PLAC1: variants seen among roughly 807,000 people sequenced by gnomAD.
PLAC1 encodes the protein placenta-specific protein 1.
For synonymous variants in PLAC1, 68 were observed against 62.1 expected (o/e 1.09, Z -0.44); for missense variants, 136 against 163.2 (o/e 0.83, Z 0.91).
At chrX:134,670,352 C>G (rs2078451697) in intron 2 of PLAC1, among the ~76,000 whole-genome samples, 1 of 112,041 alleles carries the variant, frequency 8.9e-6, no homozygotes, top group Non-Finnish European at 1.9e-5. Flanking sequence ...TGCCTCCTAG[C>G]TTCCAGAACT....
intron 1 of PLAC1, among the ~76,000 whole-genome samples, chrX:134,654,046 G>A (rs1420692099): frequency 9.0e-6 from 1 of 111,489 alleles, no homozygotes; most frequent in Non-Finnish European, 1.9e-5. Context: ...AGTTAGGGAG[G>A]GTTTTCATAT....
chrX:134,753,084 C>T (rs1349691353), intron 1 of PLAC1, among the ~76,000 whole-genome samples: 1 of 111,194 alleles, frequency 9.0e-6, no homozygotes, highest in African/African-American at 3.3e-5. Context: ...AGAAAATCCT[C>T]CTCCACAAAG....
At chrX:134,626,294 A>G (rs546499540) in intron 1 of PLAC1, among the ~76,000 whole-genome samples, 1 of 112,084 alleles carries the variant, frequency 8.9e-6, no homozygotes, top group South Asian at 3.8e-4. Flanking sequence ...CACCTTGCCT[A>G]TGAAACAGTA....
chrX:134,697,174 T>C lies in PLAC1; in HGVS notation n.174+36261A>G, dbSNP rs6654676. 3.2e-3 allele frequency among the ~76,000 whole-genome samples: 356 copies of C among 111,525 alleles called. 1 individual carries two copies. Among genetic ancestry groups the C allele is most frequent in the African/African-American group, 0.011 (340 of 30,678 alleles). Reference sequence around the variant, plus strand: ...GCCTCCAGCTCTCCAAGAGACAACATATCTCCCTGTTATCATTCTGATATA... The same window carrying C: ...GCCTCCAGCTCTCCAAGAGACAACACATCTCCCTGTTATCATTCTGATATA... On this transcript the variant is annotated intron_variant and non_coding_transcript_variant, in intron 2 of 2. Transcript: ENST00000466797.
At chrX:134,750,861 T>A (rs867538277) in intron 1 of PLAC1, among the ~76,000 whole-genome samples, 18 of 17,484 alleles carry the variant, frequency 1.0e-3, no homozygotes, top group Admixed American at 3.6e-3. Flanking sequence ...ATATATATAT[T>A]TTTATATATA....
At chrX:134,613,983 G>A (rs1039879589) in intron 1 of PLAC1, among the ~76,000 whole-genome samples, 7 of 109,879 alleles carry the variant, frequency 6.4e-5, no homozygotes, top group South Asian at 4.0e-4. Flanking sequence ...GCGACCCCCC[G>A]GCTGACCACT....
At chrX:134,706,774 T>A (rs781432139) in intron 2 of PLAC1, among the ~76,000 whole-genome samples, 10 of 110,922 alleles carry the variant, frequency 9.0e-5, no homozygotes, top group Non-Finnish European at 9.4e-5. Flanking sequence ...ACAACCAAAA[T>A]TTTAAAACTT....
intron 1 of PLAC1, among the ~76,000 whole-genome samples, chrX:134,763,817 GAAAA>G (rs1279521008): frequency 4.0e-4 from 22 of 55,362 alleles, no homozygotes; most frequent in East Asian, 5.7e-4. Flanking sequence ...AAGAAACTCC[GAAAA>G]AAAAAAGAAA....
intron 1 of PLAC1, among the ~76,000 whole-genome samples, chrX:134,760,542 C>T (rs1295439846): frequency 9.0e-6 from 1 of 110,986 alleles, no homozygotes; most frequent in Non-Finnish European, 1.9e-5. Flanking sequence ...CAATATGTTT[C>T]CTTCAATAGG....
At chrX:134,748,146 A>G (rs1338766678) in intron 1 of PLAC1, among the ~76,000 whole-genome samples, 2 of 111,115 alleles carry the variant, frequency 1.8e-5, no homozygotes, top group African/African-American at 6.6e-5. Context: ...CCCGGCCAAC[A>G]TGGTGAAACC....
At chrX:134,611,527 ACATATGTATATATG>A (rs1475577004) in intron 1 of PLAC1, among the ~76,000 whole-genome samples, 1 of 106,508 alleles carries the variant, frequency 9.4e-6, no homozygotes, top group African/African-American at 3.4e-5. Context: ...ACATACATAT[ACATATGTATATATG>A]CATATACACA....
intron 1 of PLAC1, among the ~76,000 whole-genome samples, chrX:134,610,265 C>T (rs925135617): frequency 4.5e-5 from 5 of 111,645 alleles, no homozygotes; most frequent in Admixed American, 1.9e-4. Context: ...CGTGAGCCAC[C>T]GCACCTGGCT....
intron 1 of PLAC1, among the ~76,000 whole-genome samples, chrX:134,648,213 T>G (rs2078344088): frequency 9.0e-6 from 1 of 111,339 alleles, no homozygotes; most frequent in Admixed American, 9.5e-5. Context: ...AGCTATCTCT[T>G]CAGTGAAGAT....
At chrX:134,616,402 C>T (rs1432970785) in intron 1 of PLAC1, among the ~76,000 whole-genome samples, 2 of 111,498 alleles carry the variant, frequency 1.8e-5, no homozygotes, top group African/African-American at 3.3e-5. Flanking sequence ...TTTGGGAGGC[C>T]GAGGCAGGCA....
At chrX:134,577,179 G>T (rs1443655633) in intron 2 of PLAC1, among the ~76,000 whole-genome samples, 2 of 112,225 alleles carry the variant, frequency 1.8e-5, no homozygotes, top group Non-Finnish European at 3.8e-5. Context: ...AGTGGTATTG[G>T]TGCTGATATT....
intron 2 of PLAC1, among the ~76,000 whole-genome samples, chrX:134,702,938 T>C (rs187986653): frequency 3.6e-5 from 4 of 112,001 alleles, no homozygotes; most frequent in Non-Finnish European, 5.6e-5. Flanking sequence ...ACAGATGATA[T>C]ATGGGTATGA....
intron 2 of PLAC1, among the ~76,000 whole-genome samples, chrX:134,590,157 T>C (rs2078030402): frequency 9.1e-6 from 1 of 110,433 alleles, no homozygotes; most frequent in South Asian, 3.9e-4. Flanking sequence ...ATCACGCCAC[T>C]GCACTCCAGC....
chrX:134,721,249 C>G (rs759244233), intron 2 of PLAC1, among the ~76,000 whole-genome samples: 1 of 112,158 alleles, frequency 8.9e-6, no homozygotes, highest in South Asian at 3.7e-4. Context: ...AAAGAGATAC[C>G]TAGTGAAGAC....
intron 1 of PLAC1, among the ~76,000 whole-genome samples, chrX:134,756,063 G>A (rs113524668): frequency 1.8e-5 from 2 of 108,135 alleles, no homozygotes; most frequent in African/African-American, 6.7e-5. Flanking sequence ...GTGTTAGCCA[G>A]GATGGTCTCT....
Sources: gnomAD v4.1 joint callset for allele counts (sites outside exome capture counted in the v4.1 genomes callset) on GRCh38, gnomAD v4.1.1 for gene constraint, MANE v1.5 for transcripts, NCBI Gene and HGNC (gene_info 2026-07-23, HGNC 2026-07-21) for gene names.